The following ADCY3 variants were observed in gnomAD, a reference collection of about 807,000 sequenced individuals.
The protein encoded by ADCY3 is adenylate cyclase type 3.
A neutral mutation model predicts 119.4 loss-of-function variants in ADCY3; 70 were observed. That is an observed-to-expected ratio of 0.59 (90% confidence interval 0.48 to 0.72). The LOEUF (loss-of-function observed/expected upper bound fraction) is 0.72. ADCY3 is among the 30% of genes least tolerant of loss of function. The pLI is 0.00. For synonymous variants in ADCY3, 672 were observed against 621.4 expected, an observed-to-expected ratio of 1.08 and a Z score of -1.21; for missense variants, 1,238 against 1,541.6, an observed-to-expected ratio of 0.80 and a Z score of 3.30.
At chr2:24,895,798 G>A (rs1259184346) in intron 2 of ADCY3, among the ~76,000 whole-genome samples, 1 of 151,880 alleles carries the variant, frequency 6.6e-6, no homozygotes, top group Non-Finnish European at 1.5e-5. Context: ...GCTAATTTTT[G>A]TATTTTTTGT....
intron 13 of ADCY3, among the ~76,000 whole-genome samples, chr2:24,829,710 CTG>C (rs1558414004): frequency 2.0e-5 from 3 of 151,848 alleles, no homozygotes; most frequent in Middle Eastern, 3.4e-3. Flanking sequence ...GCGTGAGCCA[CTG>C]CGCCCGGCAC....
At chr2:24,864,507 G>A (rs1674052182) in intron 3 of ADCY3, among the ~76,000 whole-genome samples, 3 of 152,274 alleles carry the variant, frequency 2.0e-5, no homozygotes, top group South Asian at 2.1e-4. Context: ...CAAACAAAAC[G>A]TGGTGTATAC....
At chr2:24,879,124 C>A (rs1212071112) in intron 2 of ADCY3, among the ~76,000 whole-genome samples, 2 of 152,138 alleles carry the variant, frequency 1.3e-5, no homozygotes, top group African/African-American at 4.8e-5. Flanking sequence ...AAGTCGCCTG[C>A]CTCTCTGACA....
intron 3 of ADCY3, among the ~76,000 whole-genome samples, chr2:24,857,426 A>G (rs1314790413): frequency 1.3e-5 from 2 of 152,276 alleles, no homozygotes; most frequent in Non-Finnish European, 2.9e-5. Context: ...AACAGCGCTA[A>G]TAGAACTTCC....
chr2:24,908,485 A>G (rs777476457), intron 2 of ADCY3, among the ~76,000 whole-genome samples: 1 of 152,240 alleles, frequency 6.6e-6, no homozygotes, highest in Non-Finnish European at 1.5e-5. Context: ...AAGAGATGAA[A>G]AAAGGATAAT....
intron 2 of ADCY3, among the ~76,000 whole-genome samples, chr2:24,881,234 C>T (rs918761723): frequency 2.8e-5 from 4 of 142,100 alleles, no homozygotes; most frequent in Non-Finnish European, 4.5e-5. Context: ...TCCCAAGCTG[C>T]AGCTTAGAGC....
chr2:24,826,158 C>G (rs760616428), intron 15 of ADCY3, 32 bp from the exon 16 acceptor site: 11 of 1,594,988 alleles, frequency 6.9e-6, no homozygotes. Flanking sequence ...ACTGAAAGGG[C>G]TGTCATCTGC....
chr2:24,831,774 G>A (rs754869166), intron 11 of ADCY3, 25 bp from the exon 12 acceptor site: 38 of 1,517,472 alleles, frequency 2.5e-5, no homozygotes, highest in Non-Finnish European at 3.4e-5. Flanking sequence ...AGACAATTGG[G>A]AGAGGCCAGA....
intron 3 of ADCY3, among the ~76,000 whole-genome samples, chr2:24,853,761 C>T (rs914750438): frequency 6.6e-6 from 1 of 152,204 alleles, no homozygotes; most frequent in Non-Finnish European, 1.5e-5. Context: ...GCTGAAATTA[C>T]AGGCATGAGC....
intron 2 of ADCY3, among the ~76,000 whole-genome samples, chr2:24,904,525 A>AG (rs1679256255): frequency 1.3e-5 from 2 of 151,914 alleles, no homozygotes; most frequent in South Asian, 2.1e-4. Flanking sequence ...CATCTCAAAA[A>AG]AAAAGAAAAG....
intron 2 of ADCY3, among the ~76,000 whole-genome samples, chr2:24,896,217 C>G (rs1404411540): frequency 6.6e-6 from 1 of 152,086 alleles, no homozygotes. Context: ...AACCCCATCT[C>G]TACTAAAAAA....
At chr2:24,826,728 G>T (rs1460562076) in intron 15 of ADCY3, 3 of 144,454 alleles carry the variant, frequency 2.1e-5, no homozygotes, top group Non-Finnish European at 4.5e-5. Context: ...GTATGTGCAT[G>T]AATTTCTCTA....
At chr2:24,821,740 C>A (rs1004633721) in intron 19 of ADCY3, 100 bp from the exon 20 acceptor site, 1 of 1,511,922 alleles carries the variant, frequency 6.6e-7, no homozygotes, top group East Asian at 2.3e-5. Context: ...ATTCCCTACA[C>A]CTAGATGTTC....
In ADCY3 at chr2:24,827,899, T is replaced by C; in HGVS notation, c.2432+3A>G. 6.2e-7 allele frequency: 1 copy of C among 1,613,996 alleles called. No homozygotes were observed. The highest frequency in any genetic ancestry group is 8.5e-7 in the Non-Finnish European group (1 of 1,179,946). On this transcript the variant is annotated splice_donor_region_variant and intron_variant, in intron 14 of 21. Transcript: ENST00000679454. ...ACAGATCCCCAGTCACGCTTCATCT[T>C]ACTCGTGCTCCCGAAAACGCTTGTG...
intron 3 of ADCY3, among the ~76,000 whole-genome samples, chr2:24,863,815 A>G (rs1372806977): frequency 6.6e-6 from 1 of 152,258 alleles, no homozygotes. Context: ...ATAAGGCAGG[A>G]AACAGCCCAC....
chr2:24,834,394 G>A lies in ADCY3; in HGVS notation c.1967+91C>T, dbSNP rs2278485. 477,397 of 1,108,362 alleles carry A rather than the reference G, an allele frequency of 0.43. 121,725 individuals are homozygous for A. Among genetic ancestry groups the A allele is most frequent in the Admixed American group, 0.63 (28,710 of 45,680 alleles). 68.7% of individuals were successfully genotyped at this position (1,108,362 alleles called of 1,614,324 possible). ...AGCAGAGACTGGCTTGCTCCCCAAT[G>A]TCAGGCTCCCGCTGAGACACCTGCC... On this transcript the variant is annotated intron_variant, in intron 11 of 21. Coordinates refer to ENST00000679454, the MANE Select transcript of ADCY3 (RefSeq NM_004036.5). This position sits in a 1 kb window ranked among gnomAD's most constrained non-coding sequence, Gnocchi z 4.2.
At chr2:24,859,390 G>A (rs561515976) in intron 3 of ADCY3, among the ~76,000 whole-genome samples, 1 of 152,310 alleles carries the variant, frequency 6.6e-6, no homozygotes, top group Non-Finnish European at 1.5e-5. Context: ...ACTGTTGCCA[G>A]GATAACAGTG....
intron 13 of ADCY3, among the ~76,000 whole-genome samples, chr2:24,829,237 A>C (rs1044351428): frequency 6.6e-6 from 1 of 150,782 alleles, no homozygotes; most frequent in Non-Finnish European, 1.5e-5. Flanking sequence ...GGCTGGTCTC[A>C]AACTCCTGAC....
chr2:24,865,599 G>A (rs1449432333), intron 3 of ADCY3, among the ~76,000 whole-genome samples: 6 of 151,740 alleles, frequency 4.0e-5, no homozygotes, highest in Non-Finnish European at 8.8e-5. Flanking sequence ...ATTCATGGAT[G>A]GGGGCTGGAT....
Sources: gnomAD v4.1 joint callset for allele counts (sites outside exome capture counted in the v4.1 genomes callset) on GRCh38, gnomAD v4.1.1 for gene constraint, Gnocchi (gnomAD v3.1) non-coding constraint, MANE v1.5 for transcripts, NCBI Gene and HGNC (gene_info 2026-07-23, HGNC 2026-07-21) for gene names.